Variants in CLEC2A observed in about 807,000 individuals in gnomAD.
The protein encoded by CLEC2A is keratinocyte-associated C-type lectin.
CLEC2A carries 19 observed loss-of-function variants against 18.6 expected under a neutral mutation model. The observed-to-expected ratio is 1.02, with a 90% CI of 0.71 to 1.50. The LOEUF (loss-of-function observed/expected upper bound fraction) is 1.50. Ranked by LOEUF, CLEC2A falls within the 40% of genes most tolerant of loss-of-function variation. CLEC2A has a pLI of 0.00. For missense variants in CLEC2A, 190 were observed against 207.9 expected (o/e 0.91, Z 0.53); for synonymous variants, 74 against 64.0 (o/e 1.16, Z -0.75).
the CLEC2A span, among the ~76,000 whole-genome samples, chr12:9,881,295 C>T: frequency 1.1e-3 from 166 of 152,148 alleles, 2 homozygotes; most frequent in African/African-American, 3.8e-3. Context: ...TCTAATACAC[C>T]GCACACAAGT....
At chr12:9,893,304 T>A in the CLEC2A span, 1 of 874,392 alleles carries the variant, frequency 1.1e-6, no homozygotes, top group East Asian at 2.7e-5. Flanking sequence ...CTATTGTTCA[T>A]GAAAAAAATG....
intron 1 of CLEC2A, among the ~76,000 whole-genome samples, chr12:9,928,785 C>A (rs1024725147): frequency 5.3e-5 from 8 of 152,208 alleles, no homozygotes; most frequent in African/African-American, 1.9e-4. Context: ...CAGAATAAAA[C>A]CACAATGGAA....
chr12:9,916,337 C>T (rs1376259025), intron 4 of CLEC2A, among the ~76,000 whole-genome samples: 1 of 152,036 alleles, frequency 6.6e-6, no homozygotes, highest in African/African-American at 2.4e-5. Flanking sequence ...ATCTTATATA[C>T]ACTTTACTTG....
intron 4 of CLEC2A, 140 bp downstream of exon 4, chr12:9,916,560 A>G (rs895948184): frequency 9.4e-6 from 6 of 637,292 alleles, no homozygotes; most frequent in Non-Finnish European, 1.7e-5. Context: ...GAAAGGGCAT[A>G]TGTCATCGAT....
chr12:9,914,958 A>G (rs775855848), intron 4 of CLEC2A, among the ~76,000 whole-genome samples: 2 of 152,136 alleles, frequency 1.3e-5, no homozygotes, highest in Non-Finnish European at 2.9e-5. Flanking sequence ...CAATCTACCC[A>G]TCTGTCAAAG....
downstream of CLEC2A, among the ~76,000 whole-genome samples, chr12:9,911,074 T>C (rs182206571): frequency 1.2e-4 from 19 of 152,324 alleles, no homozygotes; most frequent in African/African-American, 4.6e-4. Flanking sequence ...CGGTCCCTGC[T>C]TCTGTGTAGT....
At chr12:9,910,948 C>A (rs935268643), downstream of CLEC2A, among the ~76,000 whole-genome samples, 3 of 152,312 alleles carry the variant, frequency 2.0e-5, no homozygotes, top group South Asian at 2.1e-4. Flanking sequence ...CAAAGAAGAA[C>A]CAGCACTGAG....
At chr12:9,928,074 A>G (rs1863308051) in intron 1 of CLEC2A, among the ~76,000 whole-genome samples, 1 of 152,236 alleles carries the variant, frequency 6.6e-6, no homozygotes, top group Non-Finnish European at 1.5e-5. Flanking sequence ...TCTAGAAAAC[A>G]TAAAATAGTT....
At position 9,921,690 on chromosome 12, in the gene CLEC2A, A is replaced by G. The variant is rs545448492; in HGVS notation, c.306+376T>C. 2.6e-5 allele frequency among the ~76,000 whole-genome samples: 4 copies of G among 152,344 alleles called. No individual in the cohort carries two copies. In the East Asian group the frequency reaches 7.7e-4, roughly 29 times the overall value. ...ACTGGTAACATAAAAGTAAATTAAC[A>G]TATATTTTCATGTTATTTGAATTAT... On this transcript the variant is annotated intron_variant, in intron 3 of 4. Transcript: ENST00000455827.
the CLEC2A span, chr12:9,893,478 T>C: frequency 6.6e-7 from 1 of 1,522,830 alleles, no homozygotes; most frequent in Non-Finnish European, 8.8e-7. Context: ...TGGATTGGAC[T>C]ATATGTTACA....
downstream of CLEC2A, chr12:9,895,572 C>A: frequency 2.2e-6 from 2 of 908,552 alleles, no homozygotes; most frequent in Non-Finnish European, 1.6e-6. Flanking sequence ...ATTCTAAAAC[C>A]TCTGCAAAAC....
the CLEC2A span, chr12:9,893,203 G>GAA: frequency 6.6e-7 from 1 of 1,510,896 alleles, no homozygotes; most frequent in Admixed American, 2.0e-5. Flanking sequence ...ACTGCACAAG[G>GAA]AAAAATGGCT....
At chr12:9,911,473 T>C (rs113652824), downstream of CLEC2A, among the ~76,000 whole-genome samples, 277 of 152,290 alleles carry the variant, frequency 1.8e-3, 1 homozygote, top group African/African-American at 6.5e-3. Context: ...AGCCAGCAAG[T>C]CCAAGAATTC....
downstream of CLEC2A, among the ~76,000 whole-genome samples, chr12:9,912,900 A>G (rs1353450890): frequency 6.6e-6 from 1 of 151,960 alleles, no homozygotes; most frequent in Non-Finnish European, 1.5e-5. Flanking sequence ...TTTTTTCTCT[A>G]GTTTTTCTTA....
At chr12:9,895,816 G>A, downstream of CLEC2A, 1 of 1,533,008 alleles carries the variant, frequency 6.5e-7, no homozygotes, top group Non-Finnish European at 8.7e-7. Context: ...GACGCACAAT[G>A]GAACCAGTGG....
At chr12:9,932,221 G>T in intron 1 of CLEC2A, 54 bp downstream of exon 1, 1 of 1,265,556 alleles carries the variant, frequency 7.9e-7, no homozygotes, top group Non-Finnish European at 1.1e-6. Context: ...AAGCTGTCCT[G>T]TATTTTGTTT....
At chr12:9,932,175 G>A (rs892855077) in intron 1 of CLEC2A, 100 bp downstream of exon 1, 81 of 864,082 alleles carry the variant, frequency 9.4e-5, no homozygotes, top group Non-Finnish European at 1.3e-4. Flanking sequence ...ACTTACTTTA[G>A]TAGACTTTCA....
At chr12:9,918,707 C>G (rs1863112959) in intron 3 of CLEC2A, among the ~76,000 whole-genome samples, 1 of 152,156 alleles carries the variant, frequency 6.6e-6, no homozygotes, top group Non-Finnish European at 1.5e-5. Context: ...CCAGCCAGTT[C>G]AGCCTCGTTA....
chr12:9,909,986 C>A (rs772667678), downstream of CLEC2A, among the ~76,000 whole-genome samples: 3 of 152,102 alleles, frequency 2.0e-5, no homozygotes, highest in Non-Finnish European at 2.9e-5. Context: ...CTTGCTCCCT[C>A]TGATTTTTAG....
Sources: allele counts gnomAD v4.1 joint callset (sites outside exome capture counted in the v4.1 genomes callset), GRCh38; gene constraint gnomAD v4.1.1; transcripts MANE v1.5; gene names NCBI Gene and HGNC (gene_info 2026-07-23, HGNC 2026-07-21).